The following UTY variants were observed in gnomAD, a reference collection of about 807,000 sequenced individuals.
UTY encodes ubiquitously transcribed tetratricopeptide repeat containing, Y-linked.
Under a neutral mutation model 32.5 loss-of-function variants are expected in UTY, and 12 were observed. That is an observed-to-expected ratio of 0.37 (90% confidence interval 0.24 to 0.60). UTY has a LOEUF of 0.60. UTY is among the 20% of genes least tolerant of loss of function. The pLI is 0.69. For synonymous variants in UTY, 131 were observed against 103.4 expected, an observed-to-expected ratio of 1.27 and a Z score of -1.62; for missense variants, 303 against 299.2, an observed-to-expected ratio of 1.01 and a Z score of -0.09.
intron 17 of UTY, chrY:13,354,717 A>G: frequency 5.8e-6 from 1 of 172,765 alleles, no homozygotes; most frequent in Non-Finnish European, 1.0e-5. Context: ...AATATAGTGT[A>G]AACATAACTT....
intron 16 of UTY, 165 bp downstream of exon 16, chrY:13,355,758 A>C: frequency 3.4e-6 from 1 of 297,603 alleles, no homozygotes. Context: ...CTTTTTAAAA[A>C]ATTTGTCCAT....
intron 26 of UTY, among the ~76,000 whole-genome samples, chrY:13,298,454 T>TA (rs2058186242): frequency 3.0e-5 from 1 of 33,423 alleles, no homozygotes; most frequent in Non-Finnish European, 7.4e-5. Flanking sequence ...TTTATATTTT[T>TA]AAAAAATCTG....
At chrY:13,357,396 C>G (rs766607154) in intron 15 of UTY, among the ~76,000 whole-genome samples, 204 of 31,972 alleles carry the variant, frequency 6.4e-3, no homozygotes, top group Non-Finnish European at 0.012. Context: ...ACTAAAAATA[C>G]AAAAAATTTA....
intron 4 of UTY, among the ~76,000 whole-genome samples, chrY:13,424,038 G>C: frequency 3.0e-5 from 1 of 33,085 alleles, no homozygotes; most frequent in Non-Finnish European, 7.4e-5. Flanking sequence ...ACCCTAAAGA[G>C]AGTATCAACA....
intron 27 of UTY, among the ~76,000 whole-genome samples, chrY:13,292,714 T>C (rs2148684648): frequency 3.0e-5 from 1 of 33,037 alleles, no homozygotes; most frequent in Non-Finnish European, 7.5e-5. Context: ...CCAGATGGCT[T>C]TGTGGGTGAA....
At chrY:13,472,264 G>C in intron 2 of UTY, among the ~76,000 whole-genome samples, 6 of 31,701 alleles carry the variant, frequency 1.9e-4, no homozygotes, top group Admixed American at 1.8e-3. Context: ...CAAAGGACAA[G>C]AACAGATCAA....
chrY:13,330,279 C>A (rs2060583002), intron 18 of UTY, among the ~76,000 whole-genome samples: 1 of 32,869 alleles, frequency 3.0e-5, no homozygotes, highest in African/African-American at 1.2e-4. Flanking sequence ...CAGCTCCCAG[C>A]GAGACCAACA....
intron 7 of UTY, among the ~76,000 whole-genome samples, chrY:13,394,232 T>C: frequency 3.0e-5 from 1 of 33,679 alleles, no homozygotes. Flanking sequence ...ACACAAGCAT[T>C]TAAGTTTACA....
At chrY:13,445,292 G>C (rs2075639720) in intron 4 of UTY, among the ~76,000 whole-genome samples, 1 of 13,832 alleles carries the variant, frequency 7.2e-5, no homozygotes, top group African/African-American at 2.7e-4. Flanking sequence ...TTCATAAAAA[G>C]TATCTCTTGT....
intron 8 of UTY, among the ~76,000 whole-genome samples, chrY:13,389,653 G>A: frequency 3.0e-5 from 1 of 33,086 alleles, no homozygotes; most frequent in Admixed American, 2.8e-4. Flanking sequence ...TTTCTTCCAG[G>A]CTTTGTATAA....
intron 6 of UTY, among the ~76,000 whole-genome samples, chrY:13,398,056 T>G: frequency 3.0e-5 from 1 of 33,532 alleles, no homozygotes; most frequent in African/African-American, 1.2e-4. Context: ...TACTAATATT[T>G]AATGTTTAAA....
At chrY:13,408,179 T>C (rs752940738) in intron 6 of UTY, among the ~76,000 whole-genome samples, 7 of 32,700 alleles carry the variant, frequency 2.1e-4, no homozygotes, top group Non-Finnish European at 4.6e-4. Flanking sequence ...CCCTTTTCCA[T>C]ACTCTAAATC....
chrY:13,378,201 A>C, intron 8 of UTY, among the ~76,000 whole-genome samples: 1 of 33,724 alleles, frequency 3.0e-5, no homozygotes, highest in Non-Finnish European at 7.4e-5. Flanking sequence ...GCAAAATGTC[A>C]ACACTAGATG....
chrY:13,355,607 A>G (rs1220844015), intron 16 of UTY: 1 of 344,462 alleles, frequency 2.9e-6, no homozygotes, highest in Non-Finnish European at 4.0e-6. Flanking sequence ...TAAAGCTGCT[A>G]AAGATTATAA....
chrY:13,454,211 G>A (rs929855424), intron 3 of UTY, among the ~76,000 whole-genome samples: 27 of 32,801 alleles, frequency 8.2e-4, no homozygotes, highest in Non-Finnish European at 3.7e-4. Flanking sequence ...CCAAGATCAC[G>A]TCACTGCACT....
chrY:13,431,317 A>G, intron 4 of UTY, among the ~76,000 whole-genome samples: 1 of 33,162 alleles, frequency 3.0e-5, no homozygotes, highest in Non-Finnish European at 7.4e-5. Flanking sequence ...GATTCTACCA[A>G]ATATTTTGAG....
At chrY:13,300,974 A>G (rs2058352357) in intron 25 of UTY, among the ~76,000 whole-genome samples, 1 of 31,697 alleles carries the variant, frequency 3.2e-5, no homozygotes, top group African/African-American at 1.3e-4. Context: ...GCTCACTGCA[A>G]CTTCTGCTTC....
At chrY:13,383,027 G>A (rs2066308776) in intron 8 of UTY, among the ~76,000 whole-genome samples, 1 of 33,324 alleles carries the variant, frequency 3.0e-5, no homozygotes, top group Non-Finnish European at 7.4e-5. Flanking sequence ...TGGGCCGGGC[G>A]CAGTGGTTTA....
chrY:13,337,804 T>A (rs553434225), intron 17 of UTY, among the ~76,000 whole-genome samples: 3 of 32,815 alleles, frequency 9.1e-5, no homozygotes, highest in Admixed American at 2.8e-4. Context: ...GTTGCCAAGA[T>A]GGGAAGAATA....
Sources: allele counts gnomAD v4.1 joint callset (sites outside exome capture counted in the v4.1 genomes callset), GRCh38; gene constraint gnomAD v4.1.1; transcripts MANE v1.5; gene names NCBI Gene and HGNC (gene_info 2026-07-23, HGNC 2026-07-21).